Variants in PPP2R2B observed in about 807,000 individuals in gnomAD.
PPP2R2B encodes protein phosphatase 2 regulatory subunit Bbeta.
PPP2R2B carries 5 observed loss-of-function variants against 46.0 expected under a neutral mutation model. The observed-to-expected ratio is 0.11, with a 90% confidence interval of 0.06 to 0.23. The LOEUF is 0.23. Ranked by LOEUF, PPP2R2B falls within the 10% of genes least tolerant of loss-of-function variation. The pLI, the probability that PPP2R2B is intolerant of heterozygous loss-of-function variation, is 1.00. For missense variants in PPP2R2B, 367 were observed against 575.0 expected (o/e 0.64, Z 3.70); for synonymous variants, 215 against 206.7 (o/e 1.04, Z -0.34).
In PPP2R2B at chr5:146,588,585, T is replaced by C. The variant is rs1305131018; in HGVS notation, c.*1362A>G. 1 of 151,812 alleles carries C rather than the reference T, an allele frequency of 6.6e-6. No homozygotes were observed. Among genetic ancestry groups the C allele is most frequent in the Non-Finnish European group, 1.5e-5 (1 of 68,038 alleles). 9.4% of individuals were successfully genotyped at this position (151,812 alleles called of 1,614,324 possible). On this transcript the variant is annotated 3_prime_UTR_variant, in exon 10 of 10. Transcript: ENST00000394411. ...ACTCCACCCATCTACTTTCCTAAGT[T>C]TATAAATCCTTTGCATGCATTTAGT... is the stretch of plus-strand genomic sequence containing the variant.
intron 5 of PPP2R2B, among the ~76,000 whole-genome samples, chr5:146,690,548 T>C (rs1437652633): frequency 1.3e-5 from 2 of 152,210 alleles, no homozygotes; most frequent in Non-Finnish European, 2.9e-5. Flanking sequence ...TGAGTAGAGA[T>C]CATATATTGA....
chr5:146,589,846 G>A lies in PPP2R2B; in HGVS notation c.*101C>T. On this transcript the variant is annotated 3_prime_UTR_variant, in exon 10 of 10. Transcript: ENST00000394411. ...CTATTCCAATCATTTCCTGTATAGG[G>A]AAATTAAAGTCAATGCATCAAATGA... 2 of 1,174,492 alleles carry A rather than the reference G, an allele frequency of 1.7e-6. No individual in the cohort carries two copies. The highest frequency in any genetic ancestry group is 2.4e-6 in the Non-Finnish European group (2 of 821,352). 72.8% of individuals were successfully genotyped at this position (1,174,492 alleles called of 1,614,324 possible).
At chr5:146,703,482 T>TG (rs1482708778) in intron 2 of PPP2R2B, among the ~76,000 whole-genome samples, 2 of 152,154 alleles carry the variant, frequency 1.3e-5, no homozygotes, top group Non-Finnish European at 2.9e-5. Flanking sequence ...GAGTTCTGGG[T>TG]GGGCTGCAAG....
At chr5:146,947,976 G>A (rs900695651) in intron 1 of PPP2R2B, among the ~76,000 whole-genome samples, 10 of 151,698 alleles carry the variant, frequency 6.6e-5, no homozygotes, top group African/African-American at 2.4e-4. Context: ...ATAAGCAAAG[G>A]CATGCACTCA....
At position 146,686,706 on chromosome 5, in the gene PPP2R2B, A is replaced by G. The variant is rs1778522180; in HGVS notation, c.447+4422T>C. 5.3e-5 allele frequency among the ~76,000 whole-genome samples: 8 copies of G among 152,280 alleles called. No individual in the cohort carries two copies. The South Asian group carries it at 1.5e-3, about 28-fold the overall frequency. ...GTAACAGGTAAAAATGCCGATTTCA[A>G]CCTGGCCTAGGTTCCCAGGGCACTG... On this transcript the variant is annotated intron_variant, in intron 5 of 9. Coordinates refer to ENST00000394411, the MANE Select transcript of PPP2R2B (RefSeq NM_181675.4).
intron 2 of PPP2R2B, chr5:146,706,532 C>T: frequency 2.6e-6 from 3 of 1,155,752 alleles, no homozygotes; most frequent in Admixed American, 1.7e-5. Flanking sequence ...GCGCCATGTC[C>T]TACTTGGTCT....
intron 5 of PPP2R2B, among the ~76,000 whole-genome samples, chr5:146,677,523 CCCTCCCT>C (rs1777815542): frequency 1.4e-5 from 1 of 73,688 alleles, no homozygotes; most frequent in African/African-American, 1.2e-4. Flanking sequence ...ACTCATCCCT[CCCTCCCT>C]CCCTCCCTCC....
intron 2 of PPP2R2B, among the ~76,000 whole-genome samples, chr5:146,729,015 T>C (rs546631211): frequency 6.6e-6 from 1 of 150,430 alleles, no homozygotes; most frequent in East Asian, 2.3e-4. Flanking sequence ...AGGCAGAGAT[T>C]GGAAAAGTTT....
intron 2 of PPP2R2B, among the ~76,000 whole-genome samples, chr5:146,750,988 G>A (rs1191809125): frequency 6.6e-6 from 1 of 152,118 alleles, no homozygotes; most frequent in East Asian, 1.9e-4. Context: ...TCAACAGTAG[G>A]AGCTGAAGAG....
At position 146,582,314 on chromosome 5, in the gene PPP2R2B, T is replaced by C. The variant is rs1024548640; in HGVS notation, c.*7633A>G. On this transcript the variant is annotated 3_prime_UTR_variant, in exon 10 of 10. Transcript: ENST00000394411. ...CTGCAGCCTGGGTGTGGGGGCAATA[T>C]CTTGGATGTGATAATGTTGCTTCCT... 1.3e-5 allele frequency: 2 copies of C among 152,210 alleles called. No individual in the cohort carries two copies. The highest frequency in any genetic ancestry group is 2.9e-5 in the Non-Finnish European group (2 of 68,042). 9.4% of individuals were successfully genotyped at this position (152,210 alleles called of 1,614,324 possible).
chr5:146,821,777 C>CAA (rs34886911), intron 2 of PPP2R2B, among the ~76,000 whole-genome samples: 5 of 135,472 alleles, frequency 3.7e-5, no homozygotes, highest in African/African-American at 1.3e-4. Flanking sequence ...AGTACTCTGC[C>CAA]AAAAAAAAAA....
At chr5:147,040,854 C>A in intron 1 of PPP2R2B, 1 of 424,804 alleles carries the variant, frequency 2.4e-6, no homozygotes, top group South Asian at 1.7e-5. Context: ...TTACACATAC[C>A]TCCCTCAGCC....
chr5:146,605,102 G>A (rs868694273), intron 7 of PPP2R2B, among the ~76,000 whole-genome samples: 4 of 152,260 alleles, frequency 2.6e-5, no homozygotes, highest in Non-Finnish European at 4.4e-5. Context: ...TGCTCTACAT[G>A]TATTAACTCA....
chr5:146,681,432 G>C (rs375693), intron 5 of PPP2R2B, among the ~76,000 whole-genome samples: 36,854 of 151,876 alleles, frequency 0.24, 6,507 homozygotes, highest in African/African-American at 0.49. Context: ...GGGGACCGGA[G>C]ACACACCCAT....
At chr5:147,054,617 T>C (rs983338236) in intron 1 of PPP2R2B, 1 of 456,114 alleles carries the variant, frequency 2.2e-6, no homozygotes, top group African/African-American at 2.0e-5. Flanking sequence ...TAATACAAGC[T>C]TCCTTCATTA....
At chr5:146,881,605 G>A (rs892598273), upstream of PPP2R2B, among the ~76,000 whole-genome samples, 1 of 152,006 alleles carries the variant, frequency 6.6e-6, no homozygotes, top group Non-Finnish European at 1.5e-5. Flanking sequence ...TAGAGATGGG[G>A]TTTTGCCATG....
chr5:146,600,266 C>T, intron 8 of PPP2R2B, 25 bp downstream of exon 8: 1 of 1,610,488 alleles, frequency 6.2e-7, no homozygotes, highest in South Asian at 1.1e-5. Flanking sequence ...GTTCAATATA[C>T]CTATGGGTGC....
intron 2 of PPP2R2B, among the ~76,000 whole-genome samples, chr5:146,832,443 G>C (rs571444161): frequency 7.7e-6 from 1 of 129,444 alleles, no homozygotes; most frequent in Admixed American, 9.2e-5. Context: ...CTGGGCTGGA[G>C]TGCAGTGAAG....
chr5:146,878,058 A>T lies in PPP2R2B; in HGVS notation c.14T>A (p.Ile5Asn). 2 of 1,614,118 alleles carry T rather than the reference A, an allele frequency of 1.2e-6. No homozygotes were observed. Among genetic ancestry groups the T allele is most frequent in the Non-Finnish European group, 1.7e-6 (2 of 1,180,020 alleles). MEED[I>N]DTRKINNSFL... ...ACTGTTGTTGATTTTGCGGGTATCA[A>T]TGTCCTCCTCCATTGACAGCAGGCT... The change falls in exon 2 of 10, where the codon ATT (isoleucine) becomes AAT (asparagine). Residue 5 changes from isoleucine to asparagine, a missense_variant. Around this residue, in one of 2 missense-constraint regions of PPP2R2B, gnomAD observed 361 missense variants for 545.5 expected, o/e 0.66. Transcript: ENST00000394411. This position sits in a 1 kb window ranked among gnomAD's most constrained non-coding sequence, Gnocchi z 4.5.
Sources: allele counts gnomAD v4.1 joint callset (sites outside exome capture counted in the v4.1 genomes callset), GRCh38; gene constraint gnomAD v4.1.1; regional missense constraint gnomAD v4.1.1; non-coding constraint Gnocchi (gnomAD v3.1); transcripts MANE v1.5; gene names NCBI Gene and HGNC (gene_info 2026-07-23, HGNC 2026-07-21).